The following RAD50 variants were observed in gnomAD, a reference collection of about 807,000 sequenced individuals.
The protein encoded by RAD50 is DNA repair protein RAD50.
RAD50 carries 132 observed loss-of-function variants against 168.8 expected under a neutral mutation model. The ratio of observed to expected loss-of-function variants is 0.78; its 90% CI spans 0.68 to 0.90. RAD50 has a LOEUF of 0.90. Among genes scored for constraint, RAD50 ranks in the 40% least tolerant of loss-of-function variants. The pLI is 0.00. For synonymous variants in RAD50, 525 were observed against 497.4 expected, an observed-to-expected ratio of 1.06 and a Z score of -0.74; for missense variants, 1,347 against 1,534.4, an observed-to-expected ratio of 0.88 and a Z score of 2.04.
chr5:132,579,815 A>G (rs779004219), intron 4 of RAD50, 47 bp from the exon 5 acceptor site: 11 of 1,467,586 alleles, frequency 7.5e-6, no homozygotes, highest in Admixed American at 3.5e-5. Context: ...AATATATACC[A>G]TAATTTACTT....
intron 2 of RAD50, among the ~76,000 whole-genome samples, chr5:132,560,499 T>C (rs766658412): frequency 3.9e-5 from 6 of 152,232 alleles, no homozygotes; most frequent in Admixed American, 3.9e-4. Flanking sequence ...AAATCTACAA[T>C]CTACTTTCCT....
intron 19 of RAD50, among the ~76,000 whole-genome samples, chr5:132,609,650 C>T (rs570413790): frequency 4.1e-4 from 62 of 152,118 alleles, no homozygotes; most frequent in East Asian, 2.1e-3. Flanking sequence ...GCCGTGGCGG[C>T]GCGCACCTGT....
rs545565790 is a variant in RAD50 at position 132,574,253 on chromosome 5, A to T, written c.214-1524A>T. ...TCCATACACCCTCTGAAATCTAGGC[A>T]GAGGTTCCCAAACCTCATTTCTTGA... On this transcript the variant is annotated intron_variant, in intron 2 of 24. Transcript: ENST00000378823. Among the ~76,000 whole-genome samples, 130 of 152,324 alleles carry T rather than the reference A, an allele frequency of 8.5e-4. 1 individual carries two copies. The highest frequency in any genetic ancestry group is 2.9e-3 in the African/African-American group (122 of 41,580).
At chr5:132,564,614 A>G (rs1750176540) in intron 2 of RAD50, among the ~76,000 whole-genome samples, 1 of 152,240 alleles carries the variant, frequency 6.6e-6, no homozygotes, top group Non-Finnish European at 1.5e-5. Context: ...CACCCTGATC[A>G]TGTGGTAGAA....
chr5:132,597,878 A>G (rs1004843927), intron 13 of RAD50, among the ~76,000 whole-genome samples: 14 of 152,200 alleles, frequency 9.2e-5, no homozygotes, highest in South Asian at 2.1e-4. Flanking sequence ...ATAAAAAGGA[A>G]GGAGAGGAAT....
intron 21 of RAD50, chr5:132,630,679 A>C (rs1269099836): frequency 6.6e-6 from 1 of 152,294 alleles, no homozygotes; most frequent in Non-Finnish European, 1.5e-5. Context: ...CTAGCTAAAG[A>C]AAACTAAGTT....
intron 5 of RAD50, among the ~76,000 whole-genome samples, chr5:132,583,733 G>A (rs1374784210): frequency 2.1e-5 from 2 of 93,270 alleles, no homozygotes; most frequent in African/African-American, 4.2e-5. Flanking sequence ...CACTCTTATT[G>A]CCCAGGCTGG....
intron 19 of RAD50, among the ~76,000 whole-genome samples, chr5:132,615,458 G>A (rs983564782): frequency 9.2e-5 from 14 of 152,102 alleles, no homozygotes; most frequent in African/African-American, 3.4e-4. Flanking sequence ...ATACCTAACA[G>A]GTTCTAATGG....
At chr5:132,588,575 C>A in intron 7 of RAD50, 112 bp from the exon 8 acceptor site, 30 of 1,116,502 alleles carry the variant, frequency 2.7e-5, no homozygotes, top group Non-Finnish European at 3.7e-5. Flanking sequence ...AGAAACTGGG[C>A]AAAATGTACA....
intron 21 of RAD50, among the ~76,000 whole-genome samples, chr5:132,621,018 A>G (rs1446903676): frequency 6.6e-6 from 1 of 152,190 alleles, no homozygotes; most frequent in African/African-American, 2.4e-5. Flanking sequence ...AAGAAAATCT[A>G]CATAAACATA....
chr5:132,605,298 C>T (rs1016069482), intron 16 of RAD50, among the ~76,000 whole-genome samples: 1 of 152,134 alleles, frequency 6.6e-6, no homozygotes, highest in African/African-American at 2.4e-5. Flanking sequence ...CTACCTTGGC[C>T]TCCCAAAGTG....
chr5:132,624,343 CAGT>C (rs1242509904), intron 21 of RAD50, among the ~76,000 whole-genome samples: 1 of 152,142 alleles, frequency 6.6e-6, no homozygotes, highest in Non-Finnish European at 1.5e-5. Context: ...AATTCTTGCC[CAGT>C]AGACTACACA....
At position 132,557,254 on chromosome 5, in the gene RAD50, C is replaced by T. The variant is rs1012174759; in HGVS notation, c.-71C>T. On this transcript the variant is annotated 5_prime_UTR_variant, in exon 1 of 25. It adds an upstream start codon to the 5' untranslated region. Coordinates refer to ENST00000378823, the MANE Select transcript of RAD50 (RefSeq NM_005732.4). ...ATTCGCGGGTCTCACGTCCCGTGCA[C>T]GCCTTGCTTCGGCCTCAGTTAAGCC... The T allele has an allele frequency of 7.6e-6, 12 of 1,575,436 alleles. No individual in the cohort carries two copies. Among genetic ancestry groups the T allele is most frequent in the Non-Finnish European group, 1.0e-5 (12 of 1,145,076 alleles).
At position 132,636,411 on chromosome 5, in the gene RAD50, T is replaced by TATAA. The variant is rs554475359; in HGVS notation, c.3390-700_3390-697dup. 1.3e-3 allele frequency among the ~76,000 whole-genome samples: 198 copies of TATAA among 152,338 alleles called. 2 individuals are homozygous for TATAA. Among genetic ancestry groups the TATAA allele is most frequent in the African/African-American group, 4.4e-3 (185 of 41,574 alleles). On this transcript the variant is annotated intron_variant, in intron 21 of 24. Coordinates refer to ENST00000378823, the MANE Select transcript of RAD50 (RefSeq NM_005732.4). ...TAGTGCTTAGAGTTAGGATTTGGAA[T>TATAA]ATAAATATGGAAGTTAATATTTAGA...
At chr5:132,565,317 A>G (rs1750188806) in intron 2 of RAD50, among the ~76,000 whole-genome samples, 2 of 152,032 alleles carry the variant, frequency 1.3e-5, no homozygotes, top group Non-Finnish European at 2.9e-5. Flanking sequence ...CAGTGCAAGA[A>G]TGTACTTATA....
chr5:132,633,065 T>G (rs1392708336), intron 21 of RAD50, among the ~76,000 whole-genome samples: 5 of 151,906 alleles, frequency 3.3e-5, no homozygotes, highest in African/African-American at 1.2e-4. Context: ...ATTCCCAGTT[T>G]ATCGTTTGTC....
intron 11 of RAD50, chr5:132,592,619 C>T (rs1580995242): frequency 7.5e-6 from 2 of 265,662 alleles, no homozygotes; most frequent in East Asian, 1.6e-4. Flanking sequence ...CTTTCTTCGG[C>T]CCTCCAGAAA....
Position 132,642,235 on chromosome 5 carries a change from T to G in RAD50, c.3810T>G (p.Asp1270Glu). 6.2e-7 allele frequency: 1 copy of G among 1,614,154 alleles called. No individual in the cohort carries two copies. The highest frequency in any genetic ancestry group is 1.6e-4 in the Middle Eastern group (1 of 6,062). The change falls in exon 25 of 25, where the codon GAT (aspartate) becomes GAG (glutamate). Residue 1270 changes from aspartate (D) to glutamate (E), a missense_variant. Around this residue, in one of 3 missense-constraint regions of RAD50, gnomAD observed 635 missense variants for 739.2 expected, o/e 0.86. Coordinates refer to ENST00000378823, the MANE Select transcript of RAD50 (RefSeq NM_005732.4). ...TCCAGCTTCTGGTAATCACTCATGA[T>G]GAAGATTTTGTGGAGCTTTTAGGAC... is the stretch of plus-strand genomic sequence containing the variant. ...RNFQLLVITH[D>E]EDFVELLGRS...
At chr5:132,597,005 T>G (rs1246982384) in intron 13 of RAD50, among the ~76,000 whole-genome samples, 1 of 152,188 alleles carries the variant, frequency 6.6e-6, no homozygotes, top group Non-Finnish European at 1.5e-5. Flanking sequence ...TTGAGTCCTG[T>G]ATGTTGGGGA....
Sources: gnomAD v4.1 joint callset for allele counts (sites outside exome capture counted in the v4.1 genomes callset) on GRCh38, gnomAD v4.1.1 for gene constraint, gnomAD v4.1.1 regional missense constraint, MANE v1.5 for transcripts, NCBI Gene and HGNC (gene_info 2026-07-23, HGNC 2026-07-21) for gene names.